The following FAM186A variants were observed in gnomAD, a reference collection of about 807,000 sequenced individuals.
FAM186A encodes the protein protein FAM186A.
In FAM186A, 163 loss-of-function variants were observed where a neutral mutation model predicts 216.8. That is an observed-to-expected ratio of 0.75 (90% CI 0.66 to 0.86). The LOEUF is 0.86. Among genes scored for constraint, FAM186A ranks in the 40% least tolerant of loss-of-function variants. FAM186A has a pLI of 0.00. For synonymous variants in FAM186A, 805 were observed against 1,025.3 expected, an observed-to-expected ratio of 0.79 and a Z score of 4.10; for missense variants, 2,184 against 2,746.2, an observed-to-expected ratio of 0.80 and a Z score of 4.58.
At chr12:50,368,100 A>G (rs574955750) in intron 1 of FAM186A, among the ~76,000 whole-genome samples, 33 of 151,628 alleles carry the variant, frequency 2.2e-4, no homozygotes, top group South Asian at 1.1e-3. Context: ...AGCTGAGATC[A>G]CGCCACTACA....
rs1020075356 is a variant in FAM186A, at chr12:50,338,459, C to T, written c.6504-4356G>A. Among the ~76,000 whole-genome samples, 2 of 152,160 alleles carry T rather than the reference C, an allele frequency of 1.3e-5. 1 individual carries two copies. On this transcript the variant is annotated intron_variant, in intron 4 of 7. Transcript: ENST00000327337. ...CAGGTGATTCACCCGCCTCAGCCTCCCAAAGTGCTGGGATTACAGGCATGA... is the reference window on the plus strand; with the variant it reads ...CAGGTGATTCACCCGCCTCAGCCTCTCAAAGTGCTGGGATTACAGGCATGA...
At chr12:50,387,240 G>C (rs1195979445) in intron 1 of FAM186A, among the ~76,000 whole-genome samples, 3 of 152,152 alleles carry the variant, frequency 2.0e-5, no homozygotes, top group Non-Finnish European at 4.4e-5. Flanking sequence ...TTTCAATTTG[G>C]CATTCCTAAG....
chr12:50,372,416 AC>A (rs11334658), intron 1 of FAM186A, among the ~76,000 whole-genome samples: 145,465 of 151,318 alleles, frequency 0.96, 70,172 homozygotes, highest in East Asian at 1. Flanking sequence ...ACATAGTGAA[AC>A]CCCCGTCTCT....
intron 7 of FAM186A, 136 bp from the exon 8 acceptor site, chr12:50,327,540 C>CTTT (rs781530836): frequency 1.7e-4 from 79 of 475,902 alleles, no homozygotes; most frequent in Middle Eastern, 6.1e-4. Flanking sequence ...GTATGTAATC[C>CTTT]TTTTTTTTTT....
chr12:50,361,510 G>A (rs952650662), intron 2 of FAM186A, among the ~76,000 whole-genome samples: 1 of 149,640 alleles, frequency 6.7e-6, no homozygotes, highest in Admixed American at 6.7e-5. Context: ...ATGTGTGTGT[G>A]TTTTAATATT....
At chr12:50,389,027 C>T (rs567156844) in intron 1 of FAM186A, among the ~76,000 whole-genome samples, 14 of 151,546 alleles carry the variant, frequency 9.2e-5, no homozygotes, top group Non-Finnish European at 2.1e-4. Flanking sequence ...TACACTCCAG[C>T]CTGGGCAACA....
chr12:50,355,453 C>T lies in FAM186A; in HGVS notation c.1379G>A (p.Arg460Lys), dbSNP rs769115446. The change falls in exon 4 of 8, where the codon AGA becomes AAA. Residue 460 changes from arginine (R) to lysine (K), a missense_variant. By Grantham distance (26) the Arg-to-Lys change is conservative. This residue lies in a region of FAM186A where 1,132 missense variants were observed against 1,263.4 expected (regional missense o/e 0.90). Coordinates refer to ENST00000327337, the MANE Select transcript of FAM186A (RefSeq NM_001145475.3). Reference sequence around the variant, plus strand: ...TACATATGTGGCTTTTTTGTGGCTTCTTTTCCATGATTGATACTCATCAGT... The same window carrying T: ...TACATATGTGGCTTTTTTGTGGCTTTTTTTCCATGATTGATACTCATCAGT... ...DETDEYQSWKRSHKKATYVYE... is the reference protein window; with the variant it reads ...DETDEYQSWKKSHKKATYVYE... 5 of 1,550,898 alleles carry T rather than the reference C, an allele frequency of 3.2e-6. No homozygotes were observed. The South Asian group carries it at 6.0e-5, about 18-fold the overall frequency.
rs561944332 is a variant in FAM186A, at chr12:50,361,113, C to T, written c.413-187G>A. Among the ~76,000 whole-genome samples the T allele has an allele frequency of 2.0e-5, 3 of 152,280 alleles. No homozygotes were observed. The South Asian group carries it at 6.2e-4, about 32-fold the overall frequency. On this transcript the variant is annotated intron_variant, in intron 2 of 7. Coordinates refer to ENST00000327337, the MANE Select transcript of FAM186A (RefSeq NM_001145475.3). ...AAAGGAAGAAACTTGGAATAGAAGG[C>T]TAAATAGTAAGTCTTAGACATAAAG...
intron 3 of FAM186A, among the ~76,000 whole-genome samples, chr12:50,358,982 T>C (rs1033797678): frequency 6.6e-6 from 1 of 151,496 alleles, no homozygotes; most frequent in Non-Finnish European, 1.5e-5. Flanking sequence ...GAATAGATAT[T>C]TCACCAAAAA....
rs1267586651 is a variant in FAM186A, at chr12:50,350,711, T to C, written c.6121A>G (p.Met2041Val). 2.6e-6 allele frequency: 4 copies of C among 1,551,524 alleles called. No individual in the cohort carries two copies. The African/African-American group carries it at 5.5e-5, about 21-fold the overall frequency. Residue 2041 changes from methionine to valine, a missense_variant, in exon 4 of 8, where the codon ATG becomes GTG. Physicochemically the swap from Met to Val is conservative, Grantham distance 21. Around this residue, in one of 7 missense-constraint regions of FAM186A, gnomAD observed 721 missense variants for 816.4 expected, o/e 0.88. Coordinates refer to ENST00000327337, the MANE Select transcript of FAM186A (RefSeq NM_001145475.3). ...GAAGATGGTGATGTTGTTGGCTTCA[T>C]GAGAGTGAGAAGGGCCCTTTCATCA... is the stretch of plus-strand genomic sequence containing the variant. ...YTDERALLTL[M>V]KPTTSPSSLT...
At position 50,354,244 on chromosome 12, in the gene FAM186A, T is replaced by C. The variant is rs1942946810; in HGVS notation, c.2588A>G (p.Glu863Gly). 2.6e-6 allele frequency: 4 copies of C among 1,551,556 alleles called. No individual in the cohort carries two copies. Among genetic ancestry groups the C allele is most frequent in the Non-Finnish European group, 3.5e-6 (4 of 1,147,000 alleles). ...CTTCATCTGGAGCCATGCCTTTTTT[T>C]CTTCCCAATTCTCACTTATCTTCTC... is the stretch of plus-strand genomic sequence containing the variant. ...HYEKISENWE[E>G]KKAWLQMKEG... Residue 863 changes from glutamate to glycine, a missense_variant, in exon 4 of 8, where the codon GAA becomes GGA. By Grantham distance (98) the Glu-to-Gly change is moderately conservative. Around this residue, in one of 7 missense-constraint regions of FAM186A, gnomAD observed 1,132 missense variants for 1,263.4 expected, o/e 0.90. Coordinates refer to ENST00000327337, the MANE Select transcript of FAM186A (RefSeq NM_001145475.3).
chr12:50,337,642 C>A (rs201913858), intron 4 of FAM186A, among the ~76,000 whole-genome samples: 2 of 151,510 alleles, frequency 1.3e-5, no homozygotes, highest in East Asian at 4.0e-4. Flanking sequence ...TCACGCCTGT[C>A]ATCCCAGCAC....
At position 50,331,670 on chromosome 12, in the gene FAM186A, C is replaced by T. The variant is rs1720597079; in HGVS notation, c.6848G>A (p.Arg2283Lys). The change falls in exon 6 of 8, where the codon AGG (arginine) becomes AAG (lysine). Residue 2283 changes from arginine to lysine, a missense_variant and splice_region_variant. Transcript: ENST00000327337. ...DRTSDICKKF[R>K]QQEDQTEAIW... ...TAATATCAGTCTTTCTAGCACATAC[C>T]TAAATTTCTTGCATATGTCAGAGGT... 1 of 1,538,192 alleles carries T rather than the reference C, an allele frequency of 6.5e-7. No homozygotes were observed. Among genetic ancestry groups the T allele is most frequent in the Non-Finnish European group, 8.7e-7 (1 of 1,144,212 alleles).
intron 1 of FAM186A, 83 bp from the exon 2 acceptor site, chr12:50,363,447 C>A: frequency 8.5e-7 from 1 of 1,169,884 alleles, no homozygotes; most frequent in Admixed American, 2.4e-5. Context: ...ACGTCAGTGA[C>A]AGTTAATTTA....
intron 1 of FAM186A, among the ~76,000 whole-genome samples, chr12:50,379,853 A>C (rs1403232830): frequency 6.6e-6 from 1 of 152,224 alleles, no homozygotes; most frequent in Non-Finnish European, 1.5e-5. Context: ...AGAAAAAATG[A>C]GAAATGAAAA....
At position 50,354,009 on chromosome 12, in the gene FAM186A, C is replaced by G; in HGVS notation, c.2823G>C (p.Lys941Asn). 6.4e-7 allele frequency: 1 copy of G among 1,551,814 alleles called. No homozygotes were observed. ...GAATCTGCCTCATCTGTCCATTCTCCTTTTCCAAGAGCAACCCTTGTGTTT... is the reference window on the plus strand; with the variant it reads ...GAATCTGCCTCATCTGTCCATTCTCGTTTTCCAAGAGCAACCCTTGTGTTT... ...KMKTQGLLLEKENGQMRQIQK... is the reference protein window; with the variant it reads ...KMKTQGLLLENENGQMRQIQK... Residue 941 changes from lysine to asparagine, a missense_variant, in exon 4 of 8, where the codon AAG (lysine) becomes AAC (asparagine). Around this residue, in one of 7 missense-constraint regions of FAM186A, gnomAD observed 1,132 missense variants for 1,263.4 expected, o/e 0.90. Coordinates refer to ENST00000327337, the MANE Select transcript of FAM186A (RefSeq NM_001145475.3).
chr12:50,336,124 C>A (rs77984271), intron 4 of FAM186A, among the ~76,000 whole-genome samples: 110 of 133,334 alleles, frequency 8.2e-4, no homozygotes, highest in Non-Finnish European at 1.0e-3. Flanking sequence ...GACTCCATCT[C>A]AAAAAAAAAA....
intron 1 of FAM186A, among the ~76,000 whole-genome samples, chr12:50,373,011 GAAAGAAAGAAAGAA>G (rs1943159607): frequency 9.4e-6 from 1 of 106,206 alleles, no homozygotes; most frequent in Non-Finnish European, 1.8e-5. Context: ...AAGAAAGAAA[GAAAGAAAGAAAGAA>G]AGAAAGAAAG....
intron 1 of FAM186A, among the ~76,000 whole-genome samples, chr12:50,384,951 G>T (rs2136106393): frequency 6.6e-6 from 1 of 151,934 alleles, no homozygotes; most frequent in South Asian, 2.1e-4. Context: ...GATTTCAGGT[G>T]CCTGCCTCTA....
Sources: allele counts gnomAD v4.1 joint callset (sites outside exome capture counted in the v4.1 genomes callset), GRCh38; gene constraint gnomAD v4.1.1; regional missense constraint gnomAD v4.1.1; transcripts MANE v1.5; gene names NCBI Gene and HGNC (gene_info 2026-07-23, HGNC 2026-07-21).